Variants in GSTCD observed in about 807,000 individuals in gnomAD.
GSTCD encodes glutathione S-transferase C-terminal domain-containing protein.
In GSTCD, 44 loss-of-function variants were observed where a neutral mutation model predicts 68.3. That is an observed-to-expected ratio of 0.64 (90% confidence interval 0.51 to 0.83). GSTCD has a LOEUF of 0.83. GSTCD is among the 40% of genes least tolerant of loss of function. The probability of loss-of-function intolerance (pLI) is 0.00; values close to 1 mark genes in which losing one functional copy is unlikely to be tolerated. For missense variants in GSTCD, 739 were observed against 735.9 expected, an observed-to-expected ratio of 1.00 and a Z score of -0.05; for synonymous variants, 273 against 255.2, an observed-to-expected ratio of 1.07 and a Z score of -0.67.
In GSTCD at chr4:105,800,139, A is replaced by C. The variant is rs1166317475; in HGVS notation, c.1241-22815A>C. 2.0e-5 allele frequency among the ~76,000 whole-genome samples: 3 copies of C among 152,222 alleles called. No individual in the cohort carries two copies. The East Asian group carries it at 5.8e-4, about 29-fold the overall frequency. ...AGACTGGGCAATTTACAAAGGAAAG[A>C]GGTTTAATGGACTTGCAGTTATACA... On this transcript the variant is annotated intron_variant, in intron 5 of 11. Coordinates refer to ENST00000515279, the MANE Select transcript of GSTCD (RefSeq NM_001370181.1).
In GSTCD at chr4:105,805,356, AT is replaced by A. The variant is rs548092585; in HGVS notation, c.1241-17595del. 2.3e-4 allele frequency among the ~76,000 whole-genome samples: 35 copies of A among 152,266 alleles called. No individual in the cohort carries two copies. In the East Asian group the frequency reaches 5.8e-3, roughly 25 times the overall value. On this transcript the variant is annotated intron_variant, in intron 5 of 11. Transcript: ENST00000515279. ...AATAAGAAAAAATCTATTACTTTTC[AT>A]TTCTTGTTTATGAATAAAAGGATTC...
chr4:105,834,624 C>A (rs746987134), intron 9 of GSTCD, 30 bp downstream of exon 9: 11 of 1,604,882 alleles, frequency 6.9e-6, no homozygotes, highest in Admixed American at 1.7e-5. Context: ...ACATAAGACA[C>A]CAACATGGGT....
At chr4:105,818,213 T>C (rs1460444903) in intron 5 of GSTCD, among the ~76,000 whole-genome samples, 1 of 151,868 alleles carries the variant, frequency 6.6e-6, no homozygotes, top group Non-Finnish European at 1.5e-5. Context: ...TAATAGACTT[T>C]ATAGTATAAA....
chr4:105,713,070 G>A (rs1239493800), intron 1 of GSTCD, among the ~76,000 whole-genome samples: 2 of 152,056 alleles, frequency 1.3e-5, no homozygotes, highest in Admixed American at 6.6e-5. Context: ...AAAAAAACAA[G>A]CACAGAGTAA....
At chr4:105,790,830 T>C (rs1735634865) in intron 5 of GSTCD, among the ~76,000 whole-genome samples, 1 of 152,020 alleles carries the variant, frequency 6.6e-6, no homozygotes, top group African/African-American at 2.4e-5. Flanking sequence ...CTCAGTGCCT[T>C]TTTTTTAAAA....
chr4:105,775,523 G>T (rs1450658733), intron 5 of GSTCD, among the ~76,000 whole-genome samples: 2 of 152,126 alleles, frequency 1.3e-5, no homozygotes, highest in Non-Finnish European at 2.9e-5. Context: ...TCTTTGGATG[G>T]GGTTTCTGTG....
intron 8 of GSTCD, among the ~76,000 whole-genome samples, chr4:105,829,839 G>A (rs907409636): frequency 1.3e-5 from 2 of 151,738 alleles, no homozygotes; most frequent in East Asian, 1.9e-4. Context: ...AAGAGGGAAC[G>A]ATCAGAGAAC....
intron 5 of GSTCD, among the ~76,000 whole-genome samples, chr4:105,796,699 A>G (rs1421538782): frequency 1.3e-5 from 2 of 152,282 alleles, no homozygotes; most frequent in South Asian, 2.1e-4. Context: ...TCACAAACTG[A>G]TGGTCCTTGG....
rs541760360 is a variant in GSTCD, at chr4:105,807,052, T to C, written c.1241-15902T>C. ...AACTCCTTAGATATTCATGACTTCA[T>C]CTTCTCTTCCTCTACTTTCTTCTTC... is the stretch of plus-strand genomic sequence containing the variant. On this transcript the variant is annotated intron_variant, in intron 5 of 11. Coordinates refer to ENST00000515279, the MANE Select transcript of GSTCD (RefSeq NM_001370181.1). 2.6e-5 allele frequency: 4 copies of C among 152,284 alleles called. No individual in the cohort carries two copies. In the South Asian group the frequency reaches 8.3e-4, roughly 32 times the overall value. The allele number at this position is 152,284 out of a possible 1,614,324, so 9.4% of individuals were successfully genotyped here.
chr4:105,744,729 C>T (rs1733744991), intron 5 of GSTCD, among the ~76,000 whole-genome samples: 1 of 152,166 alleles, frequency 6.6e-6, no homozygotes, highest in Admixed American at 6.5e-5. Context: ...CATTTACCTG[C>T]CCCAGCCCTA....
At position 105,842,054 on chromosome 4, in the gene GSTCD, T is replaced by C; in HGVS notation, c.1696-11T>C. On this transcript the variant is annotated splice_polypyrimidine_tract_variant and intron_variant, in intron 10 of 11. Transcript: ENST00000515279. ...AAAAATAAACCCACATTCTATTGCT[T>C]TTTCTTTTAGGAACACATGATTCTG... 1 of 1,611,068 alleles carries C rather than the reference T, an allele frequency of 6.2e-7. No individual in the cohort carries two copies. Among genetic ancestry groups the C allele is most frequent in the Middle Eastern group, 1.7e-4 (1 of 6,060 alleles).
intron 1 of GSTCD, among the ~76,000 whole-genome samples, chr4:105,713,723 G>A (rs1732605654): frequency 6.6e-6 from 1 of 151,908 alleles, no homozygotes; most frequent in Admixed American, 6.6e-5. Flanking sequence ...CATTTGTTGA[G>A]CTCCTATCAA....
chr4:105,808,427 T>A (rs1322083855), intron 5 of GSTCD, among the ~76,000 whole-genome samples: 1 of 152,122 alleles, frequency 6.6e-6, no homozygotes, highest in African/African-American at 2.4e-5. Flanking sequence ...GTCAAATCAC[T>A]TCTCACTACC....
At chr4:105,748,269 A>G (rs1419967396) in intron 5 of GSTCD, among the ~76,000 whole-genome samples, 1 of 152,132 alleles carries the variant, frequency 6.6e-6, no homozygotes, top group Non-Finnish European at 1.5e-5. Flanking sequence ...AAAAGAAAAA[A>G]AAATACTAAA....
In GSTCD at chr4:105,834,447, G is replaced by A. The variant is rs1267831531; in HGVS notation, c.1531-14G>A. 1.2e-6 allele frequency: 2 copies of A among 1,612,190 alleles called. No homozygotes were observed. Among genetic ancestry groups the A allele is most frequent in the Admixed American group, 1.7e-5 (1 of 59,816 alleles). On this transcript the variant is annotated splice_polypyrimidine_tract_variant and intron_variant, in intron 8 of 11. Transcript: ENST00000515279. The stretch of plus-strand genomic sequence containing the variant: ...AGAGGGAACTTAGTGCTAAGGCCTG[G>A]TTTTATTTTGTAGGTAGCATTGCAT...
intron 5 of GSTCD, among the ~76,000 whole-genome samples, chr4:105,815,625 A>G (rs1722945083): frequency 6.6e-6 from 1 of 152,206 alleles, no homozygotes; most frequent in South Asian, 2.1e-4. Flanking sequence ...AGTTGGCATC[A>G]TTTCAGACTA....
In GSTCD at chr4:105,708,982, GCACCCTC is replaced by G. The variant is rs1732415218; in HGVS notation, c.-54_-48del. The G allele has an allele frequency of 6.6e-6, 1 of 152,652 alleles. No individual in the cohort carries two copies. The highest frequency in any genetic ancestry group is 2.4e-5 in the African/African-American group (1 of 41,436). 9.5% of individuals were successfully genotyped at this position (152,652 alleles called of 1,614,324 possible). On this transcript the variant is annotated 5_prime_UTR_variant, in exon 1 of 12. An upstream open reading frame in the 5' UTR loses its in-frame stop. Transcript: ENST00000515279. ...CGGCCCAGGTCGCCGACACGCTCACGCACCCTCCCTGCCTGGCCGCGCCTCTGCGACC... is the reference window on the plus strand; with the variant it reads ...CGGCCCAGGTCGCCGACACGCTCACGCCTGCCTGGCCGCGCCTCTGCGACC...
At chr4:105,824,765 C>A (rs1472528811) in intron 7 of GSTCD, among the ~76,000 whole-genome samples, 1 of 152,100 alleles carries the variant, frequency 6.6e-6, no homozygotes, top group East Asian at 1.9e-4. Flanking sequence ...CTCATTTTCA[C>A]CCTTTACACC....
Position 105,732,328 on chromosome 4 carries a change from T to G in GSTCD, c.1240+2829T>G, listed in dbSNP as rs542990373. Among the ~76,000 whole-genome samples the G allele has an allele frequency of 1.1e-4, 16 of 152,324 alleles. No homozygotes were observed. In the South Asian group the frequency reaches 3.3e-3, roughly 32 times the overall value. On this transcript the variant is annotated intron_variant, in intron 5 of 11. Transcript: ENST00000515279. ...TGTGAATCCGTCTGGTCCTGGACTT[T>G]TTTTGGTTGGTAGGCTATTAATTAT...
Sources: gnomAD v4.1 joint callset for allele counts (sites outside exome capture counted in the v4.1 genomes callset) on GRCh38, gnomAD v4.1.1 for gene constraint, MANE v1.5 for transcripts, NCBI Gene and HGNC (gene_info 2026-07-23, HGNC 2026-07-21) for gene names.